ASIP: variants seen among roughly 807,000 people sequenced by gnomAD.
The protein encoded by ASIP is agouti signaling protein.
A neutral mutation model predicts 10.3 loss-of-function variants in ASIP; 11 were observed. The ratio of observed to expected loss-of-function variants is 1.07; its 90% CI spans 0.68 to 1.78. ASIP has a LOEUF of 1.78. Among genes scored for constraint, ASIP ranks in the 40% most tolerant of loss-of-function variants. The pLI, the probability that ASIP is intolerant of heterozygous loss-of-function variation, is 0.00. For missense variants in ASIP, 180 were observed against 169.2 expected (o/e 1.06, Z -0.35); for synonymous variants, 70 against 70.8 (o/e 0.99, Z 0.06).
intron 1 of ASIP, among the ~76,000 whole-genome samples, chr20:34,233,775 C>T (rs1445553908): frequency 1.3e-5 from 2 of 152,082 alleles, no homozygotes; most frequent in African/African-American, 4.8e-5. Context: ...TCAAGGGCCA[C>T]AATGATGTGG....
upstream of ASIP, among the ~76,000 whole-genome samples, chr20:34,191,162 A>G (rs529762479): frequency 8.5e-5 from 13 of 152,344 alleles, no homozygotes; most frequent in African/African-American, 3.1e-4. Context: ...CCTGACATAC[A>G]GGTGGTGGAA....
At chr20:34,264,933 C>A (rs2035759149) in intron 3 of ASIP, among the ~76,000 whole-genome samples, 1 of 151,594 alleles carries the variant, frequency 6.6e-6, no homozygotes, top group African/African-American at 2.4e-5. Context: ...GCAGCTAGGA[C>A]TACGGGTGTG....
At chr20:34,256,882 G>T (rs6120581) in intron 1 of ASIP, among the ~76,000 whole-genome samples, 17,686 of 151,864 alleles carry the variant, frequency 0.12, 3,519 homozygotes, top group African/African-American at 0.4. Flanking sequence ...CTGGGGTCAG[G>T]TGATTCTCCC....
intron 1 of ASIP, among the ~76,000 whole-genome samples, chr20:34,206,230 C>G (rs2034935963): frequency 6.6e-6 from 1 of 152,166 alleles, no homozygotes; most frequent in African/African-American, 2.4e-5. Context: ...CTCCTGGCCT[C>G]AAGTGATCTG....
intron 1 of ASIP, among the ~76,000 whole-genome samples, chr20:34,251,647 T>C (rs1459107678): frequency 3.9e-5 from 6 of 152,310 alleles, no homozygotes; most frequent in African/African-American, 1.4e-4. Flanking sequence ...AGGAATTTGC[T>C]ATGTTCTGAA....
chr20:34,187,211 G>C, the ASIP span, among the ~76,000 whole-genome samples: 1 of 152,210 alleles, frequency 6.6e-6, no homozygotes, highest in Non-Finnish European at 1.5e-5. Flanking sequence ...ACAAAGGGGT[G>C]TGAGAGTCAT....
intron 1 of ASIP, among the ~76,000 whole-genome samples, chr20:34,234,163 C>T (rs917163283): frequency 6.6e-6 from 1 of 152,204 alleles, no homozygotes; most frequent in South Asian, 2.1e-4. Flanking sequence ...TAGTTGGTCT[C>T]ATCAGAGAAT....
At chr20:34,232,472 A>G (rs1010020757) in intron 1 of ASIP, among the ~76,000 whole-genome samples, 6 of 152,190 alleles carry the variant, frequency 3.9e-5, no homozygotes, top group Non-Finnish European at 7.3e-5. Context: ...TATCTCATAC[A>G]GCATAGACCA....
At chr20:34,236,622 G>A (rs2035214466), upstream of ASIP, among the ~76,000 whole-genome samples, 1 of 152,102 alleles carries the variant, frequency 6.6e-6, no homozygotes. Context: ...AGTCTGGGGT[G>A]GGAGAATTGC....
intron 1 of ASIP, among the ~76,000 whole-genome samples, chr20:34,243,113 T>G (rs2035309360): frequency 6.6e-6 from 1 of 152,236 alleles, no homozygotes; most frequent in Non-Finnish European, 1.5e-5. Context: ...CTCTGACCCC[T>G]GTTTCAGTGG....
At chr20:34,240,546 A>G (rs145061249), upstream of ASIP, among the ~76,000 whole-genome samples, 2 of 152,324 alleles carry the variant, frequency 1.3e-5, no homozygotes, top group African/African-American at 4.8e-5. Flanking sequence ...TTATGAGACC[A>G]ATATTCCTGC....
intron 1 of ASIP, among the ~76,000 whole-genome samples, chr20:34,225,227 G>T (rs2035084822): frequency 6.6e-6 from 1 of 152,038 alleles, no homozygotes; most frequent in Non-Finnish European, 1.5e-5. Context: ...TTTTTATTGA[G>T]ACGGGGTTTC....
At chr20:34,206,337 A>AT (rs1956540424) in intron 1 of ASIP, among the ~76,000 whole-genome samples, 1 of 151,976 alleles carries the variant, frequency 6.6e-6, no homozygotes, top group African/African-American at 2.4e-5. Context: ...CCTACTTTAT[A>AT]TCTTCCTCCC....
chr20:34,262,771 T>G lies in ASIP; in HGVS notation c.161-61T>G, dbSNP rs549789591. On this transcript the variant is annotated intron_variant, in intron 2 of 3. Coordinates refer to ENST00000374954, the MANE Select transcript of ASIP (RefSeq NM_001672.3). ...CCCAAGCCCCCTCTGCCCCTCTCACTTCACTGCAGCTCAACGTCCCCAGAA... is the reference window on the plus strand; with the variant it reads ...CCCAAGCCCCCTCTGCCCCTCTCACGTCACTGCAGCTCAACGTCCCCAGAA... 3.0e-5 allele frequency: 48 copies of G among 1,597,026 alleles called. No homozygotes were observed. In the South Asian group the frequency reaches 5.3e-4, roughly 18 times the overall value.
At chr20:34,209,501 G>A (rs2034959079) in intron 1 of ASIP, among the ~76,000 whole-genome samples, 1 of 152,186 alleles carries the variant, frequency 6.6e-6, no homozygotes. Flanking sequence ...CTGCACTCTT[G>A]GCAGCCTGGG....
Position 34,216,494 on chromosome 20 carries a change from C to T in ASIP, c.-11+21734C>T, listed in dbSNP as rs547356981. On this transcript the variant is annotated intron_variant, in intron 1 of 3. Transcript: ENST00000568305. The stretch of plus-strand genomic sequence containing the variant: ...TTTTATGGTTAGTACATTTTATGTT[C>T]TACCTATGAAATTTCCGTTTACTCC... Among the ~76,000 whole-genome samples, 30 of 152,284 alleles carry T rather than the reference C, an allele frequency of 2.0e-4. No individual in the cohort carries two copies. The South Asian group carries it at 5.6e-3, about 28-fold the overall frequency.
chr20:34,268,206 G>A (rs560113275), intron 3 of ASIP, among the ~76,000 whole-genome samples: 2 of 152,194 alleles, frequency 1.3e-5, no homozygotes, highest in East Asian at 1.9e-4. Context: ...TACCTGTATC[G>A]AAGGTACAAA....
At chr20:34,239,509 G>A (rs771798666), upstream of ASIP, among the ~76,000 whole-genome samples, 1 of 152,246 alleles carries the variant, frequency 6.6e-6, no homozygotes, top group Non-Finnish European at 1.5e-5. Flanking sequence ...CTTACTTGGT[G>A]GGTCATATAA....
At chr20:34,224,054 C>A (rs1345390053) in intron 1 of ASIP, among the ~76,000 whole-genome samples, 276 of 130,504 alleles carry the variant, frequency 2.1e-3, no homozygotes, top group African/African-American at 7.4e-3. Flanking sequence ...AATCCCTAAT[C>A]TCAAGTAATC....
Sources: allele counts gnomAD v4.1 joint callset (sites outside exome capture counted in the v4.1 genomes callset), GRCh38; gene constraint gnomAD v4.1.1; transcripts MANE v1.5; gene names NCBI Gene and HGNC (gene_info 2026-07-23, HGNC 2026-07-21).